The following MAP4K4 variants were observed in gnomAD, a reference collection of about 807,000 sequenced individuals.
The protein encoded by MAP4K4 is HPK/GCK-like kinase HGK.
MAP4K4 carries 38 observed loss-of-function variants against 189.6 expected under a neutral mutation model. The observed-to-expected ratio is 0.20, with a 90% CI of 0.15 to 0.26. The LOEUF (loss-of-function observed/expected upper bound fraction) is 0.26, where lower values mean the gene tolerates loss of function less well. MAP4K4 is among the 10% of genes least tolerant of loss of function. The pLI is 1.00. For missense variants in MAP4K4, 1,054 were observed against 1,726.9 expected (o/e 0.61, Z 6.91); for synonymous variants, 610 against 624.3 (o/e 0.98, Z 0.34).
At chr2:101,808,095 C>G (rs1426545067) in intron 3 of MAP4K4, among the ~76,000 whole-genome samples, 2 of 152,174 alleles carry the variant, frequency 1.3e-5, no homozygotes, top group Non-Finnish European at 2.9e-5. Flanking sequence ...TTTTCATTGC[C>G]TTACAAATGA....
At chr2:101,755,594 C>T (rs2072052160) in intron 2 of MAP4K4, among the ~76,000 whole-genome samples, 1 of 150,920 alleles carries the variant, frequency 6.6e-6, no homozygotes, top group Admixed American at 6.6e-5. Context: ...TCTGTCTGTC[C>T]CTCTCTCCTC....
At chr2:101,865,032 A>G (rs1320343278) in exon 18 of MAP4K4, 4 of 1,557,390 alleles carry the variant, frequency 2.6e-6, no homozygotes, top group Non-Finnish European at 3.5e-6. Context: ...GAGAAACTCC[A>G]CCAGGTAAAA....
chr2:101,872,299 G>GA (rs1255419540), intron 24 of MAP4K4, among the ~76,000 whole-genome samples: 1 of 152,020 alleles, frequency 6.6e-6, no homozygotes, highest in African/African-American at 2.4e-5. Context: ...GGGAAACCTA[G>GA]AAAAAATTAG....
At chr2:101,825,685 C>T (rs188442262) in intron 5 of MAP4K4, among the ~76,000 whole-genome samples, 171 of 152,210 alleles carry the variant, frequency 1.1e-3, no homozygotes, top group Non-Finnish European at 8.8e-4. Context: ...TCATGACATA[C>T]CTATTGGCAG....
chr2:101,873,665 A>G, exon 25 of MAP4K4: 1 of 1,605,900 alleles, frequency 6.2e-7, no homozygotes, highest in Non-Finnish European at 8.5e-7. Context: ...CGCTAGTAGC[A>G]CACTCCAGAA....
chr2:101,810,808 A>T (rs185909513), intron 3 of MAP4K4, among the ~76,000 whole-genome samples: 4 of 152,336 alleles, frequency 2.6e-5, no homozygotes, highest in Admixed American at 2.6e-4. Context: ...AGAAAAACTG[A>T]TAAACCCAAT....
intron 9 of MAP4K4, among the ~76,000 whole-genome samples, chr2:101,839,618 C>G (rs1481302057): frequency 6.6e-6 from 1 of 152,224 alleles, no homozygotes; most frequent in Non-Finnish European, 1.5e-5. Context: ...GGATGCACCA[C>G]TTAAACTGTG....
intron 2 of MAP4K4, among the ~76,000 whole-genome samples, chr2:101,741,665 T>G (rs1014341415): frequency 1.3e-5 from 2 of 152,156 alleles, no homozygotes; most frequent in Non-Finnish European, 2.9e-5. Flanking sequence ...ATTTGAAGTT[T>G]TCAATTTTCA....
At chr2:101,788,755 C>T (rs368980129) in intron 2 of MAP4K4, among the ~76,000 whole-genome samples, 1 of 152,066 alleles carries the variant, frequency 6.6e-6, no homozygotes. Context: ...AGCTTTTATG[C>T]CACTTTCTGA....
chr2:101,855,872 C>T, intron 12 of MAP4K4, 105 bp from the exon 13 acceptor site: 1 of 1,129,728 alleles, frequency 8.9e-7, no homozygotes, highest in Non-Finnish European at 1.2e-6. Flanking sequence ...GCCCATGAAC[C>T]TCACCTCATT....
intron 20 of MAP4K4, 121 bp from the exon 21 acceptor site, chr2:101,867,908 T>A (rs1159361847): frequency 3.2e-6 from 3 of 946,726 alleles, no homozygotes; most frequent in Non-Finnish European, 5.0e-6. Flanking sequence ...AGTTTTCATT[T>A]CCTGCTTGAA....
At chr2:101,838,911 C>G (rs1190502835) in intron 9 of MAP4K4, among the ~76,000 whole-genome samples, 2 of 152,180 alleles carry the variant, frequency 1.3e-5, no homozygotes, top group African/African-American at 4.8e-5. Flanking sequence ...GCATGCATGC[C>G]TAGTGTTGAG....
intron 15 of MAP4K4, chr2:101,860,180 A>G (rs1420892854): frequency 4.9e-6 from 2 of 411,560 alleles, no homozygotes; most frequent in African/African-American, 4.1e-5. Flanking sequence ...GAGTGGTCTG[A>G]TGAACTATTC....
chr2:101,868,785 A>G (rs2097894305), intron 21 of MAP4K4, among the ~76,000 whole-genome samples: 2 of 151,876 alleles, frequency 1.3e-5, no homozygotes, highest in South Asian at 2.1e-4. Flanking sequence ...GTGAAGTGAG[A>G]TGTCAGTGGC....
intron 2 of MAP4K4, among the ~76,000 whole-genome samples, chr2:101,775,702 G>C (rs1439547593): frequency 1.3e-5 from 2 of 152,136 alleles, no homozygotes; most frequent in African/African-American, 4.8e-5. Flanking sequence ...AGGAAAAGGT[G>C]GGTGACCATA....
intron 2 of MAP4K4, among the ~76,000 whole-genome samples, chr2:101,713,363 GGT>G (rs2046669836): frequency 2.6e-5 from 4 of 152,044 alleles, no homozygotes; most frequent in East Asian, 1.9e-4. Flanking sequence ...GGGAGGCTTA[GGT>G]GGGCGGATCT....
chr2:101,820,459 G>C (rs908155836), intron 3 of MAP4K4, among the ~76,000 whole-genome samples: 1 of 152,130 alleles, frequency 6.6e-6, no homozygotes, highest in Non-Finnish European at 1.5e-5. Context: ...TTTTTGTGTA[G>C]TTTTTATACC....
rs572808577 is a variant in MAP4K4 at position 101,731,037 on chromosome 2, C to T, written c.123+32499C>T. Among the ~76,000 whole-genome samples, 19 of 150,492 alleles carry T rather than the reference C, an allele frequency of 1.3e-4. No homozygotes were observed. The East Asian group carries it at 3.8e-3, about 30-fold the overall frequency. ...CTCTAGCCTGGGCGACAGAGGGAGA[C>T]TGTCTCAAAAAAAAAACCAAACAGT... On this transcript the variant is annotated intron_variant, in intron 2 of 32. Transcript: ENST00000324219.
At chr2:101,729,913 T>A (rs1435138567) in intron 2 of MAP4K4, among the ~76,000 whole-genome samples, 1 of 152,188 alleles carries the variant, frequency 6.6e-6, no homozygotes, top group African/African-American at 2.4e-5. Context: ...AGGTTTGTGT[T>A]TCCTGCAACC....
Sources: allele counts gnomAD v4.1 joint callset (sites outside exome capture counted in the v4.1 genomes callset), GRCh38; gene constraint gnomAD v4.1.1; transcripts MANE v1.5; gene names NCBI Gene and HGNC (gene_info 2026-07-23, HGNC 2026-07-21).